Variants in RAD52 observed in about 807,000 individuals in gnomAD.
The protein encoded by RAD52 is DNA repair protein RAD52 homolog.
A neutral mutation model predicts 55.5 loss-of-function variants in RAD52; 47 were observed. The observed-to-expected ratio is 0.85, with a 90% CI of 0.67 to 1.08. The LOEUF (loss-of-function observed/expected upper bound fraction) is 1.08. Among genes scored for constraint, RAD52 ranks in the 50% least tolerant of loss-of-function variants. RAD52 has a pLI of 0.00. For synonymous variants in RAD52, 184 were observed against 198.9 expected, an observed-to-expected ratio of 0.92 and a Z score of 0.63; for missense variants, 468 against 522.8, an observed-to-expected ratio of 0.90 and a Z score of 1.02.
intron 1 of RAD52, among the ~76,000 whole-genome samples, chr12:964,229 GGCT>G (rs1392249981): frequency 2.0e-5 from 3 of 152,094 alleles, no homozygotes. Flanking sequence ...GGATTTTGCT[GGCT>G]GCTATGTTGA....
chr12:926,432 A>G (rs1416880850), intron 6 of RAD52, among the ~76,000 whole-genome samples: 1 of 152,096 alleles, frequency 6.6e-6, no homozygotes, highest in Non-Finnish European at 1.5e-5. Context: ...TCAGCCCAGG[A>G]GTTCAAGGCT....
chr12:930,040 A>G lies in RAD52; in HGVS notation c.280+11T>C, dbSNP rs770308429. On this transcript the variant is annotated intron_variant, in intron 4 of 11. Transcript: ENST00000358495. ...AGTGCAGAAGTCCCCACTGCTGGAGAGCATACTCACCCACATTCTGCTGCG... is the reference window on the plus strand; with the variant it reads ...AGTGCAGAAGTCCCCACTGCTGGAGGGCATACTCACCCACATTCTGCTGCG... 4.0e-5 allele frequency: 64 copies of G among 1,611,236 alleles called. No individual in the cohort carries two copies. Among genetic ancestry groups the G allele is most frequent in the Non-Finnish European group, 5.1e-5 (60 of 1,177,366 alleles).
chr12:961,014 G>A (rs1958675484), intron 1 of RAD52, among the ~76,000 whole-genome samples: 1 of 151,924 alleles, frequency 6.6e-6, no homozygotes, highest in African/African-American at 2.4e-5. Flanking sequence ...GAAGAAATAA[G>A]CAAAGAAAAT....
upstream of RAD52, among the ~76,000 whole-genome samples, chr12:951,265 A>AC (rs764645145): frequency 6.6e-6 from 1 of 152,124 alleles, no homozygotes; most frequent in East Asian, 1.9e-4. Flanking sequence ...AGCATATGTC[A>AC]CCACACCTGG....
chr12:929,187 T>C (rs1957198136), intron 5 of RAD52, among the ~76,000 whole-genome samples: 1 of 152,064 alleles, frequency 6.6e-6, no homozygotes, highest in Non-Finnish European at 1.5e-5. Flanking sequence ...CATAAATATG[T>C]ATTAGGATTA....
chr12:942,647 T>A (rs1215046677), intron 1 of RAD52, among the ~76,000 whole-genome samples: 1 of 151,450 alleles, frequency 6.6e-6, no homozygotes, highest in Non-Finnish European at 1.5e-5. Context: ...CTCGGGAGGC[T>A]GGGGCAGGAG....
intron 1 of RAD52, among the ~76,000 whole-genome samples, chr12:971,821 C>T (rs187676489): frequency 2.0e-5 from 3 of 151,562 alleles, no homozygotes; most frequent in Non-Finnish European, 2.9e-5. Context: ...GATCTCGGCT[C>T]ACTGCAGGCT....
chr12:924,073 A>G (rs1956888920), intron 7 of RAD52, among the ~76,000 whole-genome samples: 1 of 147,882 alleles, frequency 6.8e-6, no homozygotes, highest in Admixed American at 6.8e-5. Context: ...AAAAAAAGAA[A>G]AAGAAAACTT....
intron 1 of RAD52, among the ~76,000 whole-genome samples, chr12:961,201 T>G (rs1043776973): frequency 6.7e-5 from 10 of 150,078 alleles, no homozygotes; most frequent in African/African-American, 2.5e-4. Flanking sequence ...TCCCAGCTAC[T>G]TGGGAGGCTG....
chr12:920,012 A>G (rs138861130), intron 7 of RAD52, among the ~76,000 whole-genome samples: 1,936 of 114,218 alleles, frequency 0.017, 451 homozygotes, highest in Admixed American at 0.14. Context: ...AGATCACACA[A>G]TTGCACCCCA....
intron 1 of RAD52, among the ~76,000 whole-genome samples, chr12:943,364 A>G (rs188462123): frequency 6.6e-6 from 1 of 152,308 alleles, no homozygotes; most frequent in Admixed American, 6.5e-5. Context: ...GTTTTTTGAG[A>G]CGAAGTCTTG....
At chr12:961,429 C>A (rs1958684711) in intron 1 of RAD52, among the ~76,000 whole-genome samples, 1 of 151,652 alleles carries the variant, frequency 6.6e-6, no homozygotes, top group Admixed American at 6.6e-5. Context: ...ATGTCCAATA[C>A]CTCAGAATGT....
chr12:931,167 C>G, intron 3 of RAD52, 53 bp downstream of exon 3: 1 of 1,444,302 alleles, frequency 6.9e-7, no homozygotes, highest in Non-Finnish European at 9.7e-7. Context: ...CTGGCAAGAC[C>G]ATCGGAGTCT....
At chr12:935,966 G>A (rs974023519) in intron 1 of RAD52, among the ~76,000 whole-genome samples, 39 of 145,240 alleles carry the variant, frequency 2.7e-4, no homozygotes, top group African/African-American at 8.7e-4. Flanking sequence ...TGATCCACCC[G>A]CCTCAGGTGT....
intron 6 of RAD52, 95 bp from the exon 7 acceptor site, chr12:925,620 C>A: frequency 2.1e-6 from 2 of 970,016 alleles, no homozygotes. Flanking sequence ...GGTTGCTTCT[C>A]AGGAGCAGCA....
intron 7 of RAD52, among the ~76,000 whole-genome samples, chr12:923,636 C>G (rs75280797): frequency 0.14 from 20,388 of 150,954 alleles, 1,640 homozygotes; most frequent in Middle Eastern, 0.23. Context: ...GGGGGAAATG[C>G]GGAGTTCTTG....
intron 1 of RAD52, among the ~76,000 whole-genome samples, chr12:937,779 A>G (rs993162399): frequency 6.6e-6 from 1 of 152,096 alleles, no homozygotes; most frequent in Admixed American, 6.6e-5. Context: ...CCAAATGCCA[A>G]CATCTGCATC....
At chr12:972,844 T>C (rs551313311) in intron 1 of RAD52, among the ~76,000 whole-genome samples, 2 of 146,244 alleles carry the variant, frequency 1.4e-5, no homozygotes, top group Non-Finnish European at 3.0e-5. Flanking sequence ...AGTAGGGAAA[T>C]TGGGGCAACT....
At chr12:931,183 A>G in intron 3 of RAD52, 37 bp downstream of exon 3, 1 of 1,543,492 alleles carries the variant, frequency 6.5e-7, no homozygotes, top group Non-Finnish European at 8.9e-7. Context: ...AGTCTGCGGT[A>G]TGGATGCCTG....
Sources: allele counts gnomAD v4.1 joint callset (sites outside exome capture counted in the v4.1 genomes callset), GRCh38; gene constraint gnomAD v4.1.1; transcripts MANE v1.5; gene names NCBI Gene and HGNC (gene_info 2026-07-23, HGNC 2026-07-21).